GABRG3: variants seen among roughly 807,000 people sequenced by gnomAD.
GABRG3 encodes gamma-aminobutyric acid receptor subunit gamma-3.
GABRG3 carries 25 observed loss-of-function variants against 48.8 expected under a neutral mutation model. The ratio of observed to expected loss-of-function variants is 0.51; its 90% CI spans 0.37 to 0.72. The LOEUF is 0.72. GABRG3 is among the 30% of genes least tolerant of loss of function. The pLI is 0.00. For synonymous variants in GABRG3, 227 were observed against 217.6 expected (o/e 1.04, Z -0.38); for missense variants, 394 against 577.9 (o/e 0.68, Z 3.26).
chr15:27,228,318 T>C (rs1889688984), intron 3 of GABRG3, among the ~76,000 whole-genome samples: 1 of 152,228 alleles, frequency 6.6e-6, no homozygotes, highest in Non-Finnish European at 1.5e-5. Flanking sequence ...ATACGGTATC[T>C]GGTTTTCTGT....
chr15:27,210,177 C>T (rs560367776), intron 3 of GABRG3, among the ~76,000 whole-genome samples: 120 of 152,282 alleles, frequency 7.9e-4, no homozygotes, highest in African/African-American at 2.8e-3. Context: ...CTCCAAGGGT[C>T]GGGTGAATGT....
At chr15:27,476,752 A>C (rs1262397012) in intron 5 of GABRG3, among the ~76,000 whole-genome samples, 2 of 152,216 alleles carry the variant, frequency 1.3e-5, no homozygotes, top group African/African-American at 4.8e-5. Context: ...GAAGAGAAGC[A>C]GGGGCAAAAT....
chr15:27,154,222 A>C (rs1566948976), intron 3 of GABRG3, among the ~76,000 whole-genome samples: 2 of 152,156 alleles, frequency 1.3e-5, no homozygotes, highest in South Asian at 4.1e-4. Flanking sequence ...TGGTGTAGCA[A>C]GAGGGGAAAT....
chr15:27,342,086 G>A (rs1251714785), intron 5 of GABRG3, among the ~76,000 whole-genome samples: 1 of 152,148 alleles, frequency 6.6e-6, no homozygotes, highest in African/African-American at 2.4e-5. Context: ...TCAGAGTCCT[G>A]CCACTGCCAC....
intron 5 of GABRG3, among the ~76,000 whole-genome samples, chr15:27,388,066 T>TAAGG (rs1158782861): frequency 4.0e-5 from 1 of 24,992 alleles, no homozygotes; most frequent in Non-Finnish European, 7.1e-5. Flanking sequence ...GGAGGGAGGG[T>TAAGG]AAGGAAGGAA....
intron 3 of GABRG3, among the ~76,000 whole-genome samples, chr15:27,172,451 C>T (rs1307486665): frequency 6.6e-6 from 1 of 152,138 alleles, no homozygotes; most frequent in Non-Finnish European, 1.5e-5. Flanking sequence ...TTCTTTCTCC[C>T]TTGGCTCTGA....
At chr15:27,097,537 T>C (rs1397013679) in intron 3 of GABRG3, among the ~76,000 whole-genome samples, 1 of 152,090 alleles carries the variant, frequency 6.6e-6, no homozygotes, top group Non-Finnish European at 1.5e-5. Context: ...CTCTCCTTCC[T>C]TTTTCCAACC....
chr15:27,119,521 C>T (rs1461995783), intron 3 of GABRG3, among the ~76,000 whole-genome samples: 1 of 152,114 alleles, frequency 6.6e-6, no homozygotes, highest in Admixed American at 6.5e-5. Context: ...GGTGTAAAGC[C>T]GCATACACTT....
intron 3 of GABRG3, among the ~76,000 whole-genome samples, chr15:27,108,618 A>G (rs1485470365): frequency 6.6e-6 from 1 of 152,148 alleles, no homozygotes; most frequent in Non-Finnish European, 1.5e-5. Flanking sequence ...TGTCCAGGTC[A>G]TTTATATCCT....
At chr15:27,401,521 T>A (rs1424638609) in intron 5 of GABRG3, among the ~76,000 whole-genome samples, 1 of 152,218 alleles carries the variant, frequency 6.6e-6, no homozygotes. Flanking sequence ...CTTCCTAAGT[T>A]TACAGATAAT....
At chr15:27,269,527 C>A (rs1209761141) in intron 3 of GABRG3, among the ~76,000 whole-genome samples, 2 of 152,152 alleles carry the variant, frequency 1.3e-5, no homozygotes, top group Admixed American at 1.3e-4. Context: ...TGTTCTCGCT[C>A]TTGTGTTTGC....
chr15:27,380,767 T>G (rs1022413582), intron 5 of GABRG3, among the ~76,000 whole-genome samples: 9 of 148,324 alleles, frequency 6.1e-5, no homozygotes, highest in African/African-American at 2.2e-4. Flanking sequence ...TGTGTGGTTT[T>G]TTTTTTTTTT....
At chr15:27,466,167 G>C (rs528970550) in intron 5 of GABRG3, among the ~76,000 whole-genome samples, 1 of 152,294 alleles carries the variant, frequency 6.6e-6, no homozygotes. Flanking sequence ...AGAGTCTGGC[G>C]TAGTTTCTAA....
Position 27,180,940 on chromosome 15 carries a change from C to T in GABRG3, c.271-145869C>T, listed in dbSNP as rs927416288. Among the ~76,000 whole-genome samples the T allele has an allele frequency of 2.0e-5, 3 of 152,140 alleles. No individual in the cohort carries two copies. The highest frequency in any genetic ancestry group is 4.4e-5 in the Non-Finnish European group (3 of 68,028). On this transcript the variant is annotated intron_variant, in intron 3 of 9. Transcript: ENST00000615808. This position sits in a 1 kb window ranked among gnomAD's most constrained non-coding sequence, Gnocchi z 4.2. Reference sequence around the variant, plus strand: ...GTATTTTAGGGTTGAAAACCCCTCTCGCTTTGGGTGTTACGTTCAGCTGCT... The same window carrying T: ...GTATTTTAGGGTTGAAAACCCCTCTTGCTTTGGGTGTTACGTTCAGCTGCT...
At chr15:27,232,349 ACT>A (rs1487508210) in intron 3 of GABRG3, among the ~76,000 whole-genome samples, 4 of 151,990 alleles carry the variant, frequency 2.6e-5, no homozygotes, top group African/African-American at 9.7e-5. Context: ...AAAGTAACCC[ACT>A]CTGCACGCGT....
At chr15:27,487,869 T>C (rs1890257513) in intron 6 of GABRG3, among the ~76,000 whole-genome samples, 1 of 152,180 alleles carries the variant, frequency 6.6e-6, no homozygotes, top group Non-Finnish European at 1.5e-5. Context: ...GAACACTCAT[T>C]GTTTTACATG....
At chr15:27,332,470 G>T (rs1036980062) in intron 5 of GABRG3, among the ~76,000 whole-genome samples, 2 of 152,052 alleles carry the variant, frequency 1.3e-5, no homozygotes, top group African/African-American at 2.4e-5. Flanking sequence ...GGAGGCAGAG[G>T]TTGCAGTGAG....
chr15:27,289,902 C>T (rs942344878), intron 3 of GABRG3, among the ~76,000 whole-genome samples: 7 of 151,956 alleles, frequency 4.6e-5, no homozygotes, highest in African/African-American at 1.5e-4. Context: ...TTGTTTTGGC[C>T]GGGGATAATG....
intron 5 of GABRG3, among the ~76,000 whole-genome samples, chr15:27,400,357 T>C (rs1203004270): frequency 6.6e-6 from 1 of 152,238 alleles, no homozygotes; most frequent in African/African-American, 2.4e-5. Context: ...TTGCCATGCT[T>C]TAGCAAAGCA....
Sources: allele counts gnomAD v4.1 joint callset (sites outside exome capture counted in the v4.1 genomes callset), GRCh38; gene constraint gnomAD v4.1.1; non-coding constraint Gnocchi (gnomAD v3.1); transcripts MANE v1.5; gene names NCBI Gene and HGNC (gene_info 2026-07-23, HGNC 2026-07-21).